CRISP3: variants seen among roughly 807,000 people sequenced by gnomAD.
CRISP3 encodes cysteine-rich secretory protein 3.
A neutral mutation model predicts 36.1 loss-of-function variants in CRISP3; 33 were observed. The ratio of observed to expected loss-of-function variants is 0.91; its 90% CI spans 0.69 to 1.22. The LOEUF (loss-of-function observed/expected upper bound fraction) is 1.22, where lower values mean the gene tolerates loss of function less well. CRISP3 is among the 50% of genes most tolerant of loss of function. The pLI, the probability that CRISP3 is intolerant of heterozygous loss-of-function variation, is 0.00. For missense variants in CRISP3, 330 were observed against 301.2 expected (o/e 1.10, Z -0.71); for synonymous variants, 117 against 104.6 (o/e 1.12, Z -0.72).
intron 6 of CRISP3, among the ~76,000 whole-genome samples, chr6:49,731,709 C>A (rs542129890): frequency 2.6e-5 from 4 of 151,198 alleles, no homozygotes; most frequent in African/African-American, 7.3e-5. Context: ...TAAAAAAAAA[C>A]CATAATTTCT....
chr6:49,737,520 A>G, intron 1 of CRISP3, 122 bp from the exon 2 acceptor site: 7 of 974,578 alleles, frequency 7.2e-6, no homozygotes, highest in East Asian at 2.6e-5. Flanking sequence ...TATTAATGTA[A>G]CAGGAGAAGA....
At chr6:49,732,155 T>C (rs1196999139) in intron 6 of CRISP3, among the ~76,000 whole-genome samples, 1 of 152,212 alleles carries the variant, frequency 6.6e-6, no homozygotes, top group Non-Finnish European at 1.5e-5. Flanking sequence ...CTGGAAGTTC[T>C]CTTTTCCCTG....
At position 49,733,848 on chromosome 6, in the gene CRISP3, C is replaced by G; in HGVS notation, c.317G>C (p.Ser106Thr). ...RHSNPKDRMT[S>T]LKCGENLYMS... ...GTAGAGATTCTCACCACATTTTAGA[C>G]CTAAGAAGGAACAGACCACTCATGA... The change falls in exon 5 of 8, where the codon AGT (serine) becomes ACT (threonine). Residue 106 changes from serine to threonine, a missense_variant and splice_region_variant. Coordinates refer to ENST00000263045, the MANE Select transcript of CRISP3 (RefSeq NM_006061.4). 6.2e-7 allele frequency: 1 copy of G among 1,612,938 alleles called. No individual in the cohort carries two copies. The highest frequency in any genetic ancestry group is 8.5e-7 in the Non-Finnish European group (1 of 1,179,348).
At position 49,741,828 on chromosome 6, in the gene CRISP3, CAT is replaced by C. The variant is rs939825900; in HGVS notation, c.37+2501_37+2502del. 3.2e-3 allele frequency among the ~76,000 whole-genome samples: 458 copies of C among 145,026 alleles called. 2 individuals carry two copies. Among genetic ancestry groups the C allele is most frequent in the African/African-American group, 9.7e-3 (386 of 39,948 alleles). ...AAGCCATAAGAAAAGAAAGTATATACATATATATATATATAATATATACAAGT... is the reference window on the plus strand; with the variant it reads ...AAGCCATAAGAAAAGAAAGTATATACATATATATATATAATATATACAAGT... On this transcript the variant is annotated intron_variant, in intron 1 of 7. Coordinates refer to ENST00000263045, the MANE Select transcript of CRISP3 (RefSeq NM_006061.4).
At chr6:49,744,222 T>C in intron 1 of CRISP3, 109 bp downstream of exon 1, 3 of 751,616 alleles carry the variant, frequency 4.0e-6, no homozygotes. Context: ...CTTTGGAAAA[T>C]TGTAGATAAA....
intron 4 of CRISP3, among the ~76,000 whole-genome samples, chr6:49,734,084 C>T (rs1370609268): frequency 6.6e-6 from 1 of 152,096 alleles, no homozygotes; most frequent in Non-Finnish European, 1.5e-5. Context: ...ACATGCAAAA[C>T]TTTGAGTAGA....
intron 6 of CRISP3, 34 bp from the exon 7 acceptor site, chr6:49,731,285 C>A: frequency 7.0e-7 from 1 of 1,430,102 alleles, no homozygotes; most frequent in Non-Finnish European, 9.7e-7. Context: ...AAATATTTTT[C>A]ATTTTTATGT....
rs1285840220 is a variant in CRISP3, at chr6:49,737,360, C to A, written c.76G>T (p.Gly26Trp). 6.2e-7 allele frequency: 1 copy of A among 1,613,880 alleles called. No homozygotes were observed. The highest frequency in any genetic ancestry group is 1.1e-5 in the South Asian group (1 of 91,060). ...TTTGCTGGAAAAGATGGAAGCAGCC[C>A]AGCAACCAGGAACAACAGCACTGGG... ...LFPVLLFLVA[G>W]LLPSFPANED... The change falls in exon 2 of 8, where the codon GGG becomes TGG. Residue 26 changes from glycine (G) to tryptophan (W), a missense_variant. Gly to Trp is a radical substitution (Grantham distance 184, BLOSUM62 -2). Transcript: ENST00000263045.
intron 1 of CRISP3, among the ~76,000 whole-genome samples, chr6:49,742,136 CAA>C (rs1769221760): frequency 6.6e-6 from 1 of 151,666 alleles, no homozygotes; most frequent in Non-Finnish European, 1.5e-5. Context: ...AACAACAAAA[CAA>C]ATTTAAAAAT....
rs1365878002 is a variant in CRISP3 at position 49,728,052 on chromosome 6, T to C, written c.*678A>G. 1 of 152,166 alleles carries C rather than the reference T, an allele frequency of 6.6e-6. No homozygotes were observed. The highest frequency in any genetic ancestry group is 1.5e-5 in the Non-Finnish European group (1 of 67,984). The allele number at this position is 152,166 out of a possible 1,614,324, so 9.4% of individuals were successfully genotyped here. On this transcript the variant is annotated 3_prime_UTR_variant, in exon 8 of 8. Transcript: ENST00000263045. ...TATTTACCTATATTATCTTGTATTC[T>C]TTTTTAAGGAAGTTTTGTCAAAGAG...
chr6:49,742,069 G>A (rs1769220219), intron 1 of CRISP3, among the ~76,000 whole-genome samples: 3 of 151,204 alleles, frequency 2.0e-5, no homozygotes, highest in Non-Finnish European at 2.9e-5. Context: ...CACTCAACTA[G>A]AATATAAGAT....
At chr6:49,732,505 A>G (rs1768940576) in intron 6 of CRISP3, among the ~76,000 whole-genome samples, 1 of 152,066 alleles carries the variant, frequency 6.6e-6, no homozygotes, top group South Asian at 2.1e-4. Context: ...TTTTTTCGTG[A>G]GTAGGTCAAC....
intron 1 of CRISP3, among the ~76,000 whole-genome samples, chr6:49,742,559 G>T (rs1769232543): frequency 6.7e-6 from 1 of 148,694 alleles, no homozygotes; most frequent in Non-Finnish European, 1.5e-5. Flanking sequence ...TTGAAACTAG[G>T]AGGTGGAGGT....
At chr6:49,737,225 C>A in intron 2 of CRISP3, 100 bp downstream of exon 2, 1 of 867,208 alleles carries the variant, frequency 1.2e-6, no homozygotes, top group Admixed American at 2.0e-5. Flanking sequence ...TATGATGTAC[C>A]AGACACTCTA....
At chr6:49,735,315 T>A (rs1464392907) in intron 4 of CRISP3, among the ~76,000 whole-genome samples, 189 bp downstream of exon 4, 2 of 152,158 alleles carry the variant, frequency 1.3e-5, no homozygotes, top group Non-Finnish European at 2.9e-5. Flanking sequence ...ACGGTTTTTG[T>A]AAAATTTATT....
Position 49,728,629 on chromosome 6 carries a change from A to C in CRISP3, c.*101T>G. 1 of 983,756 alleles carries C rather than the reference A, an allele frequency of 1.0e-6. No homozygotes were observed. Among genetic ancestry groups the C allele is most frequent in the Non-Finnish European group, 1.4e-6 (1 of 721,530 alleles). The allele number at this position is 983,756 out of a possible 1,614,324, so 60.9% of individuals were successfully genotyped here. Reference sequence around the variant, plus strand: ...AATCAAATGTGTATCAAACATGCCTACAATTTCTCAGCTAGTATATGTTAA... The same window carrying C: ...AATCAAATGTGTATCAAACATGCCTCCAATTTCTCAGCTAGTATATGTTAA... On this transcript the variant is annotated 3_prime_UTR_variant, in exon 8 of 8. Transcript: ENST00000263045.
chr6:49,737,466 T>TG (rs3216020), intron 1 of CRISP3, 68 bp from the exon 2 acceptor site: 21 of 1,544,426 alleles, frequency 1.4e-5, no homozygotes, highest in Non-Finnish European at 1.9e-5. Flanking sequence ...TTGAGTAACA[T>TG]GGGGGTGGGA....
Position 49,735,506 on chromosome 6 carries a change from G to A in CRISP3, c.314C>T (p.Thr105Ile), listed in dbSNP as rs774206919. 13 of 1,601,498 alleles carry A rather than the reference G, an allele frequency of 8.1e-6. No homozygotes were observed. Among genetic ancestry groups the A allele is most frequent in the Non-Finnish European group, 1.0e-5 (12 of 1,171,416 alleles). Residue 105 changes from threonine to isoleucine, a missense_variant and splice_region_variant, in exon 4 of 8, where the codon ACA becomes ATA. Coordinates refer to ENST00000263045, the MANE Select transcript of CRISP3 (RefSeq NM_006061.4). ...CAAATATTTCCTAATTTACATACTT[G>A]TCATTCGATCCTTTGGGTTACTGTG... The part of the protein sequence containing the change: ...YRHSNPKDRM[T>I]SLKCGENLYM...
In CRISP3 at chr6:49,735,565, A is replaced by G. The variant is rs1378979620; in HGVS notation, c.255T>C (p.Asn85=). 3.1e-6 allele frequency: 5 copies of G among 1,612,602 alleles called. No homozygotes were observed. The highest frequency in any genetic ancestry group is 4.2e-6 in the Non-Finnish European group (5 of 1,179,150). ...TGCACTGGTTTGCCCACTTTTGGGC[A>G]TTTGCTGCAGCCTCTTTGTTCCATT... ...KMEWNKEAAA[N]AQKWANQCNY... is the part of the protein sequence containing the mutation. Residue 85 remains asparagine, a synonymous_variant, in exon 4 of 8, where the codon AAT becomes AAC. Coordinates refer to ENST00000263045, the MANE Select transcript of CRISP3 (RefSeq NM_006061.4).
Sources: gnomAD v4.1 joint callset for allele counts (sites outside exome capture counted in the v4.1 genomes callset) on GRCh38, gnomAD v4.1.1 for gene constraint, MANE v1.5 for transcripts, NCBI Gene and HGNC (gene_info 2026-07-23, HGNC 2026-07-21) for gene names.